The following AGAP1 variants were observed in gnomAD, a reference collection of about 807,000 sequenced individuals.
AGAP1 encodes arf-GAP with GTPase, ANK repeat and PH domain-containing protein 1.
Under a neutral mutation model 105.3 loss-of-function variants are expected in AGAP1, and 29 were observed. That is an observed-to-expected ratio of 0.28 (90% confidence interval 0.21 to 0.38). The LOEUF (loss-of-function observed/expected upper bound fraction) is 0.38. Ranked by LOEUF, AGAP1 falls within the 10% of genes least tolerant of loss-of-function variation. The probability of loss-of-function intolerance (pLI) is 1.00; values close to 1 mark genes in which losing one functional copy is unlikely to be tolerated. For missense variants in AGAP1, 998 were observed against 1,165.1 expected (o/e 0.86, Z 2.09); for synonymous variants, 509 against 485.9 (o/e 1.05, Z -0.63).
chr2:236,006,245 G>C (rs1443493758), intron 13 of AGAP1, among the ~76,000 whole-genome samples: 3 of 152,104 alleles, frequency 2.0e-5, no homozygotes, highest in African/African-American at 7.2e-5. Context: ...TTTTGTTTGA[G>C]CACTTTCCTT....
chr2:235,975,520 G>A (rs2054823542), intron 13 of AGAP1, among the ~76,000 whole-genome samples: 2 of 152,160 alleles, frequency 1.3e-5, no homozygotes, highest in South Asian at 2.1e-4. Context: ...ATATAACAAG[G>A]TTGTAAGAGT....
rs555357796 is a variant in AGAP1 at position 235,495,471 on chromosome 2, G to C, written c.163+622G>C. Among the ~76,000 whole-genome samples the C allele has an allele frequency of 2.6e-5, 4 of 152,364 alleles. No individual in the cohort carries two copies. In the South Asian group the frequency reaches 8.3e-4, roughly 32 times the overall value. ...CAACCAAAAGTCCGGGGTTGGATTA[G>C]AGGAAGAACCCTACCAGGAGGGCAG... On this transcript the variant is annotated intron_variant, in intron 1 of 17. Transcript: ENST00000304032.
intron 1 of AGAP1, among the ~76,000 whole-genome samples, chr2:235,587,249 G>A (rs1426624130): frequency 6.6e-6 from 1 of 152,178 alleles, no homozygotes; most frequent in Non-Finnish European, 1.5e-5. Context: ...GTTTCTGAGG[G>A]GAGGACGGAG....
chr2:235,561,316 C>T (rs1419335116), intron 1 of AGAP1, among the ~76,000 whole-genome samples: 1 of 152,174 alleles, frequency 6.6e-6, no homozygotes, highest in Admixed American at 6.5e-5. Context: ...CCTTGTAGGT[C>T]AGGAGCTGCT....
intron 9 of AGAP1, among the ~76,000 whole-genome samples, chr2:235,839,725 C>A (rs1960585856): frequency 1.3e-5 from 2 of 152,196 alleles, no homozygotes; most frequent in South Asian, 4.1e-4. Flanking sequence ...TTTAGAAGAA[C>A]ATTAGGCAGA....
intron 16 of AGAP1, among the ~76,000 whole-genome samples, chr2:236,065,394 C>T (rs1443780617): frequency 6.6e-6 from 1 of 152,200 alleles, no homozygotes; most frequent in African/African-American, 2.4e-5. Context: ...GAAATACACT[C>T]GCCCCGTGGG....
intron 10 of AGAP1, among the ~76,000 whole-genome samples, chr2:235,907,564 T>C (rs1380705175): frequency 6.6e-6 from 1 of 152,224 alleles, no homozygotes; most frequent in Non-Finnish European, 1.5e-5. Context: ...AAAGAGCATA[T>C]TTATTCCCAC....
intron 1 of AGAP1, among the ~76,000 whole-genome samples, chr2:235,565,508 G>A (rs548099284): frequency 2.0e-5 from 3 of 152,324 alleles, no homozygotes; most frequent in South Asian, 2.1e-4. Context: ...ACGAAAGGTG[G>A]GGCGGGGCTC....
chr2:235,738,363 C>G (rs995293613), intron 3 of AGAP1, among the ~76,000 whole-genome samples: 3 of 151,986 alleles, frequency 2.0e-5, no homozygotes, highest in Non-Finnish European at 2.9e-5. Context: ...CCTCATTTCA[C>G]AGGTGAGGAA....
intron 9 of AGAP1, among the ~76,000 whole-genome samples, chr2:235,858,665 G>GTACT (rs1231834235): frequency 2.0e-5 from 3 of 152,150 alleles, no homozygotes; most frequent in African/African-American, 7.2e-5. Context: ...TAATTGATGT[G>GTACT]TACTTCCTCT....
In AGAP1 at chr2:235,556,601, G is replaced by T. The variant is rs1192658295; in HGVS notation, c.163+61752G>T. ...CCTTCTGCTGAGTTCAGTGGAAGGT[G>T]GTCTTCCTTTCCAATACTCTGGTTC... On this transcript the variant is annotated intron_variant, in intron 1 of 17. Coordinates refer to ENST00000304032, the MANE Select transcript of AGAP1 (RefSeq NM_001037131.3). The surrounding 1 kb of genome is among the most constrained non-coding windows in gnomAD (Gnocchi z 5.3). Among the ~76,000 whole-genome samples the T allele has an allele frequency of 1.3e-5, 2 of 152,154 alleles. No homozygotes were observed. Among genetic ancestry groups the T allele is most frequent in the Non-Finnish European group, 2.9e-5 (2 of 68,044 alleles).
intron 1 of AGAP1, among the ~76,000 whole-genome samples, chr2:235,516,235 G>T (rs778532515): frequency 6.6e-6 from 1 of 152,160 alleles, no homozygotes; most frequent in Non-Finnish European, 1.5e-5. Flanking sequence ...TATATCCCCA[G>T]TAAATGCTTG....
chr2:235,740,361 C>A lies in AGAP1; in HGVS notation c.311-602C>A, dbSNP rs962161710. On this transcript the variant is annotated intron_variant, in intron 3 of 17. Coordinates refer to ENST00000304032, the MANE Select transcript of AGAP1 (RefSeq NM_001037131.3). This position sits in a 1 kb window ranked among gnomAD's most constrained non-coding sequence, Gnocchi z 5.7. ...GTGGTCTCTAACGCCTCCTGTCAGCCGCTGCTCTGCTGTCTCCACCCGTGC... is the reference window on the plus strand; with the variant it reads ...GTGGTCTCTAACGCCTCCTGTCAGCAGCTGCTCTGCTGTCTCCACCCGTGC... Among the ~76,000 whole-genome samples the A allele has an allele frequency of 2.6e-5, 4 of 152,164 alleles. No homozygotes were observed. Among genetic ancestry groups the A allele is most frequent in the Non-Finnish European group, 5.9e-5 (4 of 68,032 alleles).
Position 236,123,295 on chromosome 2 carries a change from A to G in AGAP1, c.2371-624A>G, listed in dbSNP as rs1052553102. ...AGGGTCTCCCAGTATTGCTCAGGCTAGTCTTGAACTCCTGGGCTGAAGTGA... is the reference window on the plus strand; with the variant it reads ...AGGGTCTCCCAGTATTGCTCAGGCTGGTCTTGAACTCCTGGGCTGAAGTGA... On this transcript the variant is annotated intron_variant, in intron 17 of 17. Transcript: ENST00000304032. This position sits in a 1 kb window ranked among gnomAD's most constrained non-coding sequence, Gnocchi z 4.6. 6.6e-6 allele frequency among the ~76,000 whole-genome samples: 1 copy of G among 152,146 alleles called. No homozygotes were observed. The highest frequency in any genetic ancestry group is 6.5e-5 in the Admixed American group (1 of 15,282).
At position 235,976,254 on chromosome 2, in the gene AGAP1, G is replaced by A. The variant is rs568004652; in HGVS notation, c.1645+7631G>A. ...AGTTTGCTCTCAGGTTGTAACTCCA[G>A]CTTCCAAGAGAATGAACTTGCTGAA... On this transcript the variant is annotated intron_variant, in intron 13 of 17. Coordinates refer to ENST00000304032, the MANE Select transcript of AGAP1 (RefSeq NM_001037131.3). The surrounding 1 kb of genome is among the most constrained non-coding windows in gnomAD (Gnocchi z 4.5). 1.3e-5 allele frequency among the ~76,000 whole-genome samples: 2 copies of A among 152,254 alleles called. No homozygotes were observed. The highest frequency in any genetic ancestry group is 4.1e-4 in the South Asian group (2 of 4,824).
chr2:236,077,015 C>T (rs1032106591), intron 16 of AGAP1, among the ~76,000 whole-genome samples: 7 of 149,372 alleles, frequency 4.7e-5, no homozygotes, highest in African/African-American at 1.7e-4. Flanking sequence ...GAGGCTGAGG[C>T]GGGAGGATCG....
At chr2:235,539,627 C>T (rs1943367988) in intron 1 of AGAP1, among the ~76,000 whole-genome samples, 1 of 152,148 alleles carries the variant, frequency 6.6e-6, no homozygotes, top group Admixed American at 6.5e-5. Flanking sequence ...CAGGTGGCTG[C>T]AGTGTCCTCA....
At position 236,000,934 on chromosome 2, in the gene AGAP1, G is replaced by T. The variant is rs1344571272; in HGVS notation, c.1645+32311G>T. Among the ~76,000 whole-genome samples the T allele has an allele frequency of 2.0e-5, 3 of 152,190 alleles. No homozygotes were observed. Among genetic ancestry groups the T allele is most frequent in the African/African-American group, 7.2e-5 (3 of 41,458 alleles). The stretch of plus-strand genomic sequence containing the variant: ...GCAGATGCCGCGTGGCGTGAGGAGG[G>T]TGAGAGTCCATGCCATAAAGGACTG... On this transcript the variant is annotated intron_variant, in intron 13 of 17. Transcript: ENST00000304032. The surrounding 1 kb of genome is among the most constrained non-coding windows in gnomAD (Gnocchi z 4.3).
chr2:235,572,956 T>A (rs1944578304), intron 1 of AGAP1, among the ~76,000 whole-genome samples: 1 of 151,788 alleles, frequency 6.6e-6, no homozygotes, highest in Admixed American at 6.6e-5. Flanking sequence ...GCTGTCAGAC[T>A]CCCCGATTGC....
Sources: allele counts gnomAD v4.1 joint callset (sites outside exome capture counted in the v4.1 genomes callset), GRCh38; gene constraint gnomAD v4.1.1; non-coding constraint Gnocchi (gnomAD v3.1); transcripts MANE v1.5; gene names NCBI Gene and HGNC (gene_info 2026-07-23, HGNC 2026-07-21).